The following PCDH11X variants were observed in gnomAD, a reference collection of about 807,000 sequenced individuals.
PCDH11X encodes the protein protocadherin-11 X-linked.
PCDH11X carries 18 observed loss-of-function variants against 53.3 expected under a neutral mutation model. That is an observed-to-expected ratio of 0.34 (90% CI 0.23 to 0.50). The LOEUF (loss-of-function observed/expected upper bound fraction) is 0.50, where lower values mean the gene tolerates loss of function less well. Among genes scored for constraint, PCDH11X ranks in the 20% least tolerant of loss-of-function variants. The pLI is 0.98. For synonymous variants in PCDH11X, 279 were observed against 393.3 expected, an observed-to-expected ratio of 0.71 and a Z score of 3.44; for missense variants, 570 against 1,032.4, an observed-to-expected ratio of 0.55 and a Z score of 6.14.
At chrX:92,099,500 T>C (rs1368809063) in intron 6 of PCDH11X, among the ~76,000 whole-genome samples, 1 of 110,792 alleles carries the variant, frequency 9.0e-6, no homozygotes, top group Non-Finnish European at 1.9e-5. Flanking sequence ...TGAATTAAAT[T>C]CTCTAAAATT....
At chrX:92,199,782 A>G (rs1393872291) in intron 6 of PCDH11X, among the ~76,000 whole-genome samples, 1 of 111,622 alleles carries the variant, frequency 9.0e-6, no homozygotes, top group African/African-American at 3.3e-5. Context: ...ATACTGAAGC[A>G]TGTTATACAG....
chrX:92,126,726 TG>T (rs2064872957), intron 6 of PCDH11X, among the ~76,000 whole-genome samples: 2 of 108,980 alleles, frequency 1.8e-5, no homozygotes, highest in African/African-American at 6.7e-5. Context: ...TGTGTGTGTG[TG>T]TGTGTGTGTG....
intron 6 of PCDH11X, chrX:91,883,161 G>A: frequency 1.0e-6 from 1 of 966,980 alleles, no homozygotes; most frequent in South Asian, 2.6e-5. Flanking sequence ...AAGAGACAGT[G>A]CAGCACAATA....
intron 6 of PCDH11X, among the ~76,000 whole-genome samples, chrX:91,972,259 T>A (rs1190208842): frequency 2.0e-5 from 2 of 100,061 alleles, no homozygotes; most frequent in African/African-American, 3.7e-5. Context: ...TTGAGAAGTG[T>A]CTGTTCATGT....
chrX:92,179,612 A>C, intron 6 of PCDH11X, among the ~76,000 whole-genome samples: 1 of 112,219 alleles, frequency 8.9e-6, no homozygotes, highest in Middle Eastern at 4.7e-3. Context: ...TAAAAAAGTC[A>C]GTTTCTTAGC....
At chrX:92,276,315 C>G (rs755611383) in intron 8 of PCDH11X, among the ~76,000 whole-genome samples, 14 of 106,685 alleles carry the variant, frequency 1.3e-4, no homozygotes, top group African/African-American at 4.1e-4. Context: ...CCGAGGCGAT[C>G]GGGCAGCATC....
At chrX:92,150,050 G>A (rs1293291955) in intron 6 of PCDH11X, among the ~76,000 whole-genome samples, 1 of 111,126 alleles carries the variant, frequency 9.0e-6, no homozygotes, top group East Asian at 2.8e-4. Flanking sequence ...GATAATTGAT[G>A]CTATAAACAT....
At chrX:92,175,776 G>GTGTGTGTGTA (rs779454685) in intron 6 of PCDH11X, among the ~76,000 whole-genome samples, 3 of 79,283 alleles carry the variant, frequency 3.8e-5, no homozygotes, top group Non-Finnish European at 4.9e-5. Flanking sequence ...GTGTGTGTGT[G>GTGTGTGTGTA]TATATATATA....
At chrX:91,886,977 AAAAAAAAAAG>A (rs1451700306) in intron 6 of PCDH11X, among the ~76,000 whole-genome samples, 1 of 98,033 alleles carries the variant, frequency 1.0e-5, no homozygotes, top group Non-Finnish European at 2.0e-5. Context: ...TCTCAAAAAA[AAAAAAAAAAG>A]AAAAGAAAAG....
At chrX:91,921,848 T>C (rs1346373079) in intron 6 of PCDH11X, among the ~76,000 whole-genome samples, 5 of 110,786 alleles carry the variant, frequency 4.5e-5, no homozygotes, top group Admixed American at 2.9e-4. Context: ...CTGAGCCTTA[T>C]GGTTAATAGT....
chrX:92,533,389 G>A (rs922544414), intron 10 of PCDH11X, among the ~76,000 whole-genome samples: 4 of 106,616 alleles, frequency 3.8e-5, no homozygotes, highest in African/African-American at 1.4e-4. Flanking sequence ...TGTTACAGAT[G>A]GTCTCTCTGT....
intron 1 of PCDH11X, among the ~76,000 whole-genome samples, chrX:91,783,108 G>T (rs1270657476): frequency 1.8e-5 from 2 of 111,968 alleles, no homozygotes; most frequent in Non-Finnish European, 3.8e-5. Context: ...CAGAAGCAAA[G>T]AATTACTCTG....
intron 7 of PCDH11X, 97 bp from the exon 8 acceptor site, chrX:92,263,017 A>G: frequency 9.1e-7 from 1 of 1,104,201 alleles, no homozygotes; most frequent in Non-Finnish European, 1.2e-6. Flanking sequence ...TTTTTCAAAA[A>G]AAAAAAAAAT....
chrX:91,886,672 A>G (rs73242592), intron 6 of PCDH11X, among the ~76,000 whole-genome samples: 30,685 of 106,768 alleles, frequency 0.29, 4,446 homozygotes, highest in African/African-American at 0.46. Flanking sequence ...CATTATGAAT[A>G]AAAATATGTA....
At chrX:91,852,955 A>G (rs1938116158) in intron 5 of PCDH11X, among the ~76,000 whole-genome samples, 1 of 102,651 alleles carries the variant, frequency 9.7e-6, no homozygotes, top group South Asian at 4.8e-4. Flanking sequence ...AAAACCTTCA[A>G]AAACCTTCAA....
chrX:92,043,853 TATTA>T (rs1354049538), intron 6 of PCDH11X, among the ~76,000 whole-genome samples: 2 of 111,180 alleles, frequency 1.8e-5, no homozygotes, highest in Admixed American at 1.9e-4. Context: ...AGCATTAATG[TATTA>T]ATTATAATCT....
chrX:92,412,795 G>C (rs1352564328), intron 9 of PCDH11X, among the ~76,000 whole-genome samples: 7 of 106,778 alleles, frequency 6.6e-5, no homozygotes, highest in South Asian at 4.1e-4. Context: ...CTCTGTCTCT[G>C]TGTGTGTGTG....
rs747966173 is a variant in PCDH11X, at chrX:91,816,629, T to G, written c.-45+5334T>G. ...GGTCAAGGGAAAGTCTGCACAAAAG[T>G]AGAAATATGAGGAAATTTGTGAACT... On this transcript the variant is annotated intron_variant, in intron 4 of 10. Coordinates refer to ENST00000682573, the MANE Select transcript of PCDH11X (RefSeq NM_032968.5). Among the ~76,000 whole-genome samples, 88 of 111,249 alleles carry G rather than the reference T, an allele frequency of 7.9e-4. 1 individual carries two copies. The highest frequency in any genetic ancestry group is 2.8e-3 in the African/African-American group (85 of 30,632).
chrX:91,984,702 G>A (rs2062200888), intron 6 of PCDH11X, among the ~76,000 whole-genome samples: 1 of 111,298 alleles, frequency 9.0e-6, no homozygotes, highest in Non-Finnish European at 1.9e-5. Context: ...CTGTTAAAAT[G>A]AAAATCTGCA....
Sources: allele counts gnomAD v4.1 joint callset (sites outside exome capture counted in the v4.1 genomes callset), GRCh38; gene constraint gnomAD v4.1.1; transcripts MANE v1.5; gene names NCBI Gene and HGNC (gene_info 2026-07-23, HGNC 2026-07-21).